IQSEC1: variants seen among roughly 807,000 people sequenced by gnomAD.
IQSEC1 encodes the protein IQ motif and SEC7 domain-containing protein 1.
IQSEC1 carries 31 observed loss-of-function variants against 91.0 expected under a neutral mutation model. The ratio of observed to expected loss-of-function variants is 0.34; its 90% CI spans 0.26 to 0.46. The LOEUF is 0.46. Ranked by LOEUF, IQSEC1 falls within the 20% of genes least tolerant of loss-of-function variation. The pLI is 1.00. For missense variants in IQSEC1, 1,388 were observed against 1,575.6 expected (o/e 0.88, Z 2.02); for synonymous variants, 699 against 662.6 (o/e 1.05, Z -0.84).
At chr3:13,011,170 G>A (rs1702866842) in intron 1 of IQSEC1, among the ~76,000 whole-genome samples, 1 of 152,006 alleles carries the variant, frequency 6.6e-6, no homozygotes, top group Non-Finnish European at 1.5e-5. Context: ...TTCAAACTTG[G>A]TTTTAACACA....
chr3:13,052,606 A>G (rs753170733), intron 1 of IQSEC1, among the ~76,000 whole-genome samples: 4 of 152,226 alleles, frequency 2.6e-5, no homozygotes, highest in African/African-American at 4.8e-5. Context: ...GATGAGTTTT[A>G]AAAGAAACTG....
Position 12,919,882 on chromosome 3 carries a change from C to T in IQSEC1, c.2020+548G>A, listed in dbSNP as rs1360444367. ...ACAAGGATGCCTCGCTGCCTGTAGA[C>T]TCCGCACCAACACCTCCCAGCACAT... On this transcript the variant is annotated intron_variant, in intron 6 of 13. Transcript: ENST00000613206. Among the ~76,000 whole-genome samples the T allele has an allele frequency of 2.6e-5, 4 of 152,300 alleles. No homozygotes were observed. The East Asian group carries it at 5.8e-4, about 22-fold the overall frequency.
At chr3:12,960,118 G>A (rs935750024) in intron 1 of IQSEC1, among the ~76,000 whole-genome samples, 7 of 152,106 alleles carry the variant, frequency 4.6e-5, no homozygotes, top group African/African-American at 1.4e-4. Context: ...TAACGATGAC[G>A]GCTGGAGAGA....
Position 13,154,438 on chromosome 3 carries a change from C to T in IQSEC1, c.302+9666G>A, listed in dbSNP as rs4684914. Reference sequence around the variant, plus strand: ...ACACCAGGAAGCTGGAACTTACATGCATATATATATATATATATATATATA... The same window carrying T: ...ACACCAGGAAGCTGGAACTTACATGTATATATATATATATATATATATATA... On this transcript the variant is annotated intron_variant, in intron 2 of 15. Transcript: ENST00000648114. 4.8e-4 allele frequency among the ~76,000 whole-genome samples: 10 copies of T among 20,758 alleles called. 1 individual carries two copies. The East Asian group carries it at 5.4e-3, about 11-fold the overall frequency. The allele number at this position is 20,758 out of a possible 152,430, so 13.6% of individuals were successfully genotyped here. A position where few individuals can be genotyped will look rare whatever the true frequency, so the allele number is the denominator to read the frequency against.
intron 1 of IQSEC1, among the ~76,000 whole-genome samples, chr3:13,213,945 G>A (rs912429176): frequency 1.3e-5 from 2 of 152,052 alleles, no homozygotes; most frequent in Non-Finnish European, 1.5e-5. Flanking sequence ...TGATTCTGCC[G>A]CCCAGAAGTC....
In IQSEC1 at chr3:13,239,046, G is replaced by A. The variant is rs191316303; in HGVS notation, c.272+43665C>T. On this transcript the variant is annotated intron_variant, in intron 1 of 15. Transcript: ENST00000648114. The stretch of plus-strand genomic sequence containing the variant: ...TCCGCTTGAGGACATGGGGTTCCCC[G>A]AGGATGCCCCCTGCTCCCTGTGAAT... 1.1e-4 allele frequency among the ~76,000 whole-genome samples: 16 copies of A among 152,316 alleles called. 1 individual carries two copies. Among genetic ancestry groups the A allele is most frequent in the Middle Eastern group, 3.4e-3 (1 of 294 alleles).
In IQSEC1 at chr3:12,915,137, CG is replaced by C. The variant is rs766081701; in HGVS notation, c.2161-5del. The C allele has an allele frequency of 1.4e-5, 23 of 1,608,390 alleles. No homozygotes were observed. The Admixed American group carries it at 3.9e-4, about 27-fold the overall frequency. Reference sequence around the variant, plus strand: ...GCCCGGGATGCAGGGATCCGATCTGCGGGAGAATGTGAAACCAACAAAAGGG... The same window carrying C: ...GCCCGGGATGCAGGGATCCGATCTGCGGAGAATGTGAAACCAACAAAAGGG... On this transcript the variant is annotated splice_region_variant and splice_polypyrimidine_tract_variant and intron_variant, in intron 7 of 13. Transcript: ENST00000613206.
At chr3:13,239,863 C>T (rs1167032391) in intron 1 of IQSEC1, among the ~76,000 whole-genome samples, 4 of 152,038 alleles carry the variant, frequency 2.6e-5, no homozygotes, top group Non-Finnish European at 4.4e-5. Context: ...ATGGGGGCCC[C>T]GAGGGGCTGC....
chr3:13,167,595 G>C (rs974984737), intron 1 of IQSEC1, among the ~76,000 whole-genome samples: 1 of 152,180 alleles, frequency 6.6e-6, no homozygotes, highest in East Asian at 1.9e-4. Context: ...GTGGCACTTG[G>C]GGGGGCAAAA....
intron 2 of IQSEC1, among the ~76,000 whole-genome samples, chr3:13,110,687 C>T (rs904333172): frequency 6.6e-6 from 1 of 152,204 alleles, no homozygotes; most frequent in Non-Finnish European, 1.5e-5. Context: ...CCTTCTTGAA[C>T]ACAAAAGCCC....
At chr3:13,236,445 C>A (rs1694929837) in intron 1 of IQSEC1, among the ~76,000 whole-genome samples, 1 of 152,232 alleles carries the variant, frequency 6.6e-6, no homozygotes, top group African/African-American at 2.4e-5. Flanking sequence ...GGTCCTCTGC[C>A]CTGCTTTCGT....
chr3:12,944,325 G>C (rs1486926347), intron 1 of IQSEC1, among the ~76,000 whole-genome samples: 1 of 152,230 alleles, frequency 6.6e-6, no homozygotes, highest in Admixed American at 6.5e-5. Flanking sequence ...CTTTGAGCAG[G>C]GACTCGCAAT....
intron 1 of IQSEC1, among the ~76,000 whole-genome samples, chr3:13,263,438 G>GA (rs1695428016): frequency 5.4e-5 from 4 of 74,136 alleles, no homozygotes; most frequent in Admixed American, 1.4e-4. Context: ...GGGGGGGGGG[G>GA]GAAAGTACCT....
In IQSEC1 at chr3:12,983,440, C is replaced by A. The variant is rs1390297688; in HGVS notation, c.24-41575G>T. On this transcript the variant is annotated intron_variant, in intron 1 of 13. Coordinates refer to ENST00000613206, the MANE Select transcript of IQSEC1 (RefSeq NM_001134382.3). This position sits in a 1 kb window ranked among gnomAD's most constrained non-coding sequence, Gnocchi z 4.3. Reference sequence around the variant, plus strand: ...GCCTGACCAAAGCAATCCCCAGCCCCACCTCTCACTGGGTTGGTCTTGGCA... The same window carrying A: ...GCCTGACCAAAGCAATCCCCAGCCCAACCTCTCACTGGGTTGGTCTTGGCA... 1.3e-5 allele frequency among the ~76,000 whole-genome samples: 2 copies of A among 152,194 alleles called. No individual in the cohort carries two copies. Among genetic ancestry groups the A allele is most frequent in the African/African-American group, 4.8e-5 (2 of 41,452 alleles).
intron 1 of IQSEC1, among the ~76,000 whole-genome samples, chr3:13,192,302 C>T (rs1694049537): frequency 6.7e-6 from 1 of 149,068 alleles, no homozygotes; most frequent in Non-Finnish European, 1.5e-5. Context: ...CGCACCACTG[C>T]ACTCCAGCCT....
At chr3:12,965,156 C>T (rs1010413) in intron 1 of IQSEC1, among the ~76,000 whole-genome samples, 29,203 of 152,020 alleles carry the variant, frequency 0.19, 4,135 homozygotes, top group East Asian at 0.75. Flanking sequence ...CTTAAAAAAA[C>T]GAGGATAAGA....
At position 12,914,971 on chromosome 3, in the gene IQSEC1, T is replaced by C. The variant is rs554646452; in HGVS notation, c.2190+133A>G. ...TGGGGTAATTACGAACATCTGATTC[T>C]CAGCACCCCAGCAATGAACTCAAGC... On this transcript the variant is annotated intron_variant, in intron 8 of 13. Transcript: ENST00000613206. 143 of 851,882 alleles carry C rather than the reference T, an allele frequency of 1.7e-4. No homozygotes were observed. The African/African-American group carries it at 2.2e-3, about 13-fold the overall frequency. The allele number at this position is 851,882 out of a possible 1,614,324, so 52.8% of individuals were successfully genotyped here.
At chr3:13,045,605 G>GC (rs1229796264) in intron 1 of IQSEC1, among the ~76,000 whole-genome samples, 1 of 152,166 alleles carries the variant, frequency 6.6e-6, no homozygotes. Context: ...AACCTGCTAG[G>GC]CCCCCACACA....
chr3:12,947,519 G>C lies in IQSEC1; in HGVS notation c.24-5654C>G, dbSNP rs184879120. Among the ~76,000 whole-genome samples the C allele has an allele frequency of 1.9e-3, 289 of 151,994 alleles. 3 individuals are homozygous for C. The highest frequency in any genetic ancestry group is 6.0e-3 in the Admixed American group (91 of 15,250). ...GTGTGCAGTCCATCTGCACCATGGA[G>C]GAGTCTTGCTCTGTGAGGGTGGGAG... On this transcript the variant is annotated intron_variant, in intron 1 of 13. Transcript: ENST00000613206.
Sources: allele counts gnomAD v4.1 joint callset (sites outside exome capture counted in the v4.1 genomes callset), GRCh38; gene constraint gnomAD v4.1.1; non-coding constraint Gnocchi (gnomAD v3.1); transcripts MANE v1.5; gene names NCBI Gene and HGNC (gene_info 2026-07-23, HGNC 2026-07-21).